Variants in DIP2B observed in about 807,000 individuals in gnomAD.
The protein encoded by DIP2B is disco-interacting protein 2 homolog B.
A neutral mutation model predicts 198.0 loss-of-function variants in DIP2B; 76 were observed. The ratio of observed to expected loss-of-function variants is 0.38; its 90% CI spans 0.32 to 0.46. The LOEUF (loss-of-function observed/expected upper bound fraction) is 0.46. Among genes scored for constraint, DIP2B ranks in the 20% least tolerant of loss-of-function variants. DIP2B has a pLI of 0.99. For missense variants in DIP2B, 1,559 were observed against 1,978.4 expected (o/e 0.79, Z 4.02); for synonymous variants, 701 against 739.1 (o/e 0.95, Z 0.84).
chr12:50,610,610 A>G (rs961090248), intron 1 of DIP2B, among the ~76,000 whole-genome samples: 1 of 149,978 alleles, frequency 6.7e-6, no homozygotes, highest in Non-Finnish European at 1.5e-5. Context: ...GGTTCACGCC[A>G]TTCTCCTACC....
intron 1 of DIP2B, among the ~76,000 whole-genome samples, chr12:50,530,512 A>G (rs1047441474): frequency 6.6e-6 from 1 of 152,334 alleles, no homozygotes; most frequent in East Asian, 1.9e-4. Context: ...TTAGAGGAGA[A>G]TAGTTTCAGG....
At chr12:50,648,012 A>G (rs1325826311) in intron 3 of DIP2B, among the ~76,000 whole-genome samples, 1 of 152,156 alleles carries the variant, frequency 6.6e-6, no homozygotes, top group Non-Finnish European at 1.5e-5. Flanking sequence ...AGACTGAGGC[A>G]GGAGAATTGC....
intron 37 of DIP2B, 22 bp downstream of exon 37, chr12:50,741,561 G>C (rs375549818): frequency 2.4e-5 from 38 of 1,603,898 alleles, no homozygotes; most frequent in Middle Eastern, 1.7e-4. Context: ...AGCATACACT[G>C]TGCTTCCCAC....
In DIP2B at chr12:50,703,621, T is replaced by C. The variant is rs548831358; in HGVS notation, c.2326-519T>C. ...AAATCTTTTTGCATTCCTTAATCTT[T>C]ACTCCAAGCCTGTGAGAGGCACAGA... On this transcript the variant is annotated intron_variant, in intron 19 of 37. Coordinates refer to ENST00000301180, the MANE Select transcript of DIP2B (RefSeq NM_173602.3). Among the ~76,000 whole-genome samples the C allele has an allele frequency of 3.3e-5, 5 of 152,356 alleles. 1 individual carries two copies. The highest frequency in any genetic ancestry group is 2.1e-4 in the South Asian group (1 of 4,832).
At chr12:50,611,989 A>G (rs1429223005) in intron 1 of DIP2B, among the ~76,000 whole-genome samples, 1 of 151,474 alleles carries the variant, frequency 6.6e-6, no homozygotes, top group Non-Finnish European at 1.5e-5. Context: ...GCTTGAACCC[A>G]AGATCCCGCC....
chr12:50,542,114 A>AC (rs1465655704), intron 1 of DIP2B, among the ~76,000 whole-genome samples: 1 of 150,934 alleles, frequency 6.6e-6, no homozygotes, highest in Non-Finnish European at 1.5e-5. Flanking sequence ...ACACAGTGAA[A>AC]CCCCATCTCT....
At chr12:50,706,058 C>T (rs762057418) in intron 20 of DIP2B, among the ~76,000 whole-genome samples, 3 of 152,152 alleles carry the variant, frequency 2.0e-5, no homozygotes, top group Non-Finnish European at 2.9e-5. Flanking sequence ...TCTTTATTAG[C>T]CTATTTCTAA....
intron 13 of DIP2B, 27 bp from the exon 14 acceptor site, chr12:50,692,922 T>C: frequency 6.3e-7 from 1 of 1,596,552 alleles, no homozygotes; most frequent in Non-Finnish European, 8.5e-7. Context: ...AGATGATTTC[T>C]TTGTCTTCCT....
intron 1 of DIP2B, among the ~76,000 whole-genome samples, chr12:50,595,266 C>T (rs1958868735): frequency 6.6e-6 from 1 of 152,136 alleles, no homozygotes; most frequent in African/African-American, 2.4e-5. Flanking sequence ...ATCTGTTTAG[C>T]TAGGAGAGTA....
At chr12:50,634,376 T>C (rs549498047) in intron 2 of DIP2B, among the ~76,000 whole-genome samples, 25 of 152,360 alleles carry the variant, frequency 1.6e-4, no homozygotes, top group Middle Eastern at 6.8e-3. Context: ...ATCTTTAAGA[T>C]ACTTTGGATA....
intron 1 of DIP2B, among the ~76,000 whole-genome samples, chr12:50,583,498 G>A (rs1958743524): frequency 6.6e-6 from 1 of 152,072 alleles, no homozygotes; most frequent in African/African-American, 2.4e-5. Context: ...CTTGTCTCCC[G>A]GAGCATCCCT....
At chr12:50,683,921 A>C (rs1220507175) in intron 10 of DIP2B, among the ~76,000 whole-genome samples, 1 of 152,088 alleles carries the variant, frequency 6.6e-6, no homozygotes, top group Non-Finnish European at 1.5e-5. Flanking sequence ...AGAGCAGCCT[A>C]GGCAACATAG....
chr12:50,730,736 C>T lies in DIP2B; in HGVS notation c.3642-633C>T, dbSNP rs1254562142. Among the ~76,000 whole-genome samples, 6 of 152,250 alleles carry T rather than the reference C, an allele frequency of 3.9e-5. No homozygotes were observed. In the South Asian group the frequency reaches 8.3e-4, roughly 21 times the overall value. On this transcript the variant is annotated intron_variant, in intron 30 of 37. Coordinates refer to ENST00000301180, the MANE Select transcript of DIP2B (RefSeq NM_173602.3). ...ATCGCTTCAAACATGCTGTAATTAT[C>T]GGCCTTTGTAAATGTTGTTCCTCTG...
chr12:50,511,763 C>T (rs1026422051), intron 1 of DIP2B, among the ~76,000 whole-genome samples: 15 of 151,526 alleles, frequency 9.9e-5, no homozygotes, highest in African/African-American at 2.7e-4. Flanking sequence ...TCCTGGCCAA[C>T]GTGGTGAAAT....
chr12:50,642,719 G>A (rs1247097215), intron 3 of DIP2B, among the ~76,000 whole-genome samples: 1 of 152,182 alleles, frequency 6.6e-6, no homozygotes, highest in Non-Finnish European at 1.5e-5. Flanking sequence ...AACCTGGGAG[G>A]CAGAGCTTGC....
intron 1 of DIP2B, among the ~76,000 whole-genome samples, chr12:50,507,086 CCTCT>C (rs1300239200): frequency 1.3e-5 from 2 of 152,192 alleles, no homozygotes; most frequent in Non-Finnish European, 2.9e-5. Context: ...GATTAGCTCA[CCTCT>C]CTCTCCTTCA....
At chr12:50,518,303 C>A (rs1958084163) in intron 1 of DIP2B, among the ~76,000 whole-genome samples, 1 of 151,262 alleles carries the variant, frequency 6.6e-6, no homozygotes, top group Admixed American at 6.6e-5. Context: ...CAGCTCGCTG[C>A]AAGCTCCGCC....
intron 1 of DIP2B, among the ~76,000 whole-genome samples, chr12:50,546,664 A>G (rs763851707): frequency 1.3e-5 from 2 of 152,196 alleles, no homozygotes; most frequent in Non-Finnish European, 2.9e-5. Context: ...GTATTTCCTG[A>G]TTGCCTTGCA....
At chr12:50,577,964 A>G (rs1005247895) in intron 1 of DIP2B, among the ~76,000 whole-genome samples, 11 of 152,346 alleles carry the variant, frequency 7.2e-5, no homozygotes, top group South Asian at 2.1e-4. Context: ...TTATGAAACT[A>G]TATCAGTTAA....
Sources: gnomAD v4.1 joint callset for allele counts (sites outside exome capture counted in the v4.1 genomes callset) on GRCh38, gnomAD v4.1.1 for gene constraint, MANE v1.5 for transcripts, NCBI Gene and HGNC (gene_info 2026-07-23, HGNC 2026-07-21) for gene names.